NRXN1: variants seen among roughly 807,000 people sequenced by gnomAD.
NRXN1 encodes the protein neurexin 1, also known as neurexin-1.
Under a neutral mutation model 150.9 loss-of-function variants are expected in NRXN1, and 39 were observed. The ratio of observed to expected loss-of-function variants is 0.26; its 90% CI spans 0.20 to 0.34. The LOEUF (loss-of-function observed/expected upper bound fraction) is 0.34, where lower values mean the gene tolerates loss of function less well. Among genes scored for constraint, NRXN1 ranks in the 10% least tolerant of loss-of-function variants. NRXN1 has a pLI of 1.00. For missense variants in NRXN1, 1,815 were observed against 1,949.9 expected (o/e 0.93, Z 1.30); for synonymous variants, 924 against 757.0 (o/e 1.22, Z -3.62).
intron 18 of NRXN1, among the ~76,000 whole-genome samples, chr2:50,163,690 T>C (rs1419560348): frequency 6.6e-6 from 1 of 152,174 alleles, no homozygotes; most frequent in Non-Finnish European, 1.5e-5. Context: ...AATTGGTCCT[T>C]ATTCTGAATG....
chr2:50,142,206 G>C (rs1707370929), intron 18 of NRXN1, among the ~76,000 whole-genome samples: 1 of 151,972 alleles, frequency 6.6e-6, no homozygotes, highest in Admixed American at 6.6e-5. Flanking sequence ...GCTAGGCACA[G>C]ATAGACAAAT....
chr2:49,982,754 T>G (rs182617060), intron 21 of NRXN1, among the ~76,000 whole-genome samples: 3 of 152,172 alleles, frequency 2.0e-5, no homozygotes, highest in African/African-American at 7.2e-5. Context: ...TTTTAGATAA[T>G]GGACGCATTT....
chr2:50,275,343 T>C lies in NRXN1; in HGVS notation c.3365-38373A>G, dbSNP rs141932405. Among the ~76,000 whole-genome samples, 42 of 152,328 alleles carry C rather than the reference T, an allele frequency of 2.8e-4. 1 individual carries two copies. Among genetic ancestry groups the C allele is most frequent in the African/African-American group, 9.9e-4 (41 of 41,592 alleles). Reference sequence around the variant, plus strand: ...ATGAAAATCAATATAGATTTGCAGATTGTAACTTCAACAAAGATTTGATTT... The same window carrying C: ...ATGAAAATCAATATAGATTTGCAGACTGTAACTTCAACAAAGATTTGATTT... On this transcript the variant is annotated intron_variant, in intron 17 of 22. Coordinates refer to ENST00000401669, the MANE Select transcript of NRXN1 (RefSeq NM_001330078.2).
chr2:50,296,075 C>T (rs937647080), intron 17 of NRXN1, among the ~76,000 whole-genome samples: 9 of 152,300 alleles, frequency 5.9e-5, no homozygotes, highest in African/African-American at 2.2e-4. Flanking sequence ...GTGGGCACGG[C>T]ATTTCTAGGC....
intron 5 of NRXN1, among the ~76,000 whole-genome samples, chr2:50,801,900 A>G (rs1006513597): frequency 3.9e-5 from 6 of 152,262 alleles, no homozygotes; most frequent in South Asian, 2.1e-4. Flanking sequence ...CTTGGTTTCT[A>G]TGGGTTCTCT....
intron 17 of NRXN1, among the ~76,000 whole-genome samples, chr2:50,355,771 A>G (rs1661410483): frequency 1.3e-5 from 2 of 152,208 alleles, no homozygotes; most frequent in South Asian, 4.1e-4. Flanking sequence ...AGGATATGTA[A>G]CAGTGTATTC....
At chr2:51,003,850 G>C (rs902147912) in intron 2 of NRXN1, among the ~76,000 whole-genome samples, 2 of 151,934 alleles carry the variant, frequency 1.3e-5, no homozygotes, top group African/African-American at 4.8e-5. Context: ...TGAAGTTTCA[G>C]CTTGTGAATA....
intron 17 of NRXN1, among the ~76,000 whole-genome samples, chr2:50,257,892 A>T (rs1468045857): frequency 2.4e-5 from 3 of 124,290 alleles, no homozygotes; most frequent in Non-Finnish European, 5.4e-5. Flanking sequence ...GTATCTGCAC[A>T]ATTTTTTTTT....
intron 5 of NRXN1, among the ~76,000 whole-genome samples, chr2:50,791,114 G>A: frequency 1.4e-5 from 2 of 146,014 alleles, no homozygotes; most frequent in African/African-American, 5.1e-5. Flanking sequence ...ATAAGTAAAT[G>A]CAATCAAAAT....
intron 2 of NRXN1, among the ~76,000 whole-genome samples, chr2:50,944,798 CA>C (rs2104523764): frequency 6.6e-6 from 1 of 152,274 alleles, no homozygotes; most frequent in South Asian, 2.1e-4. Context: ...AAGCCTCTAG[CA>C]GCAATAATTA....
intron 2 of NRXN1, among the ~76,000 whole-genome samples, chr2:51,010,117 C>T (rs1000115916): frequency 2.0e-5 from 3 of 151,946 alleles, no homozygotes; most frequent in African/African-American, 7.2e-5. Flanking sequence ...TATAATGGGT[C>T]TCATCTTCTG....
chr2:50,926,071 G>C lies in NRXN1; in HGVS notation c.773-116C>G, dbSNP rs1186140173. The stretch of plus-strand genomic sequence containing the variant: ...GCAAGGCACCAAACACATCATGCAA[G>C]TGCTCCATCACTATCATTCAAGGGG... On this transcript the variant is annotated intron_variant, in intron 2 of 22. Transcript: ENST00000401669. 1.3e-5 allele frequency: 10 copies of C among 775,162 alleles called. No homozygotes were observed. In the South Asian group the frequency reaches 1.5e-4, roughly 11 times the overall value. 48.0% of individuals were successfully genotyped at this position (775,162 alleles called of 1,614,324 possible). A position where few individuals can be genotyped will look rare whatever the true frequency, so the allele number is the denominator to read the frequency against.
chr2:50,566,694 C>A (rs1669931468), intron 8 of NRXN1, among the ~76,000 whole-genome samples: 1 of 152,134 alleles, frequency 6.6e-6, no homozygotes, highest in Non-Finnish European at 1.5e-5. Context: ...TACTAAAGCT[C>A]AGAGAATTTA....
chr2:51,018,128 C>A (rs1339089360), intron 2 of NRXN1, among the ~76,000 whole-genome samples: 1 of 152,094 alleles, frequency 6.6e-6, no homozygotes, highest in African/African-American at 2.4e-5. Context: ...ACCTCCTAAG[C>A]TCTCATCAGT....
intron 5 of NRXN1, among the ~76,000 whole-genome samples, chr2:50,668,170 T>C (rs1020705111): frequency 6.6e-6 from 1 of 152,010 alleles, no homozygotes; most frequent in African/African-American, 2.4e-5. Context: ...AGGGTCACAC[T>C]TGATTATCCA....
At chr2:50,794,030 G>T (rs1289573898) in intron 5 of NRXN1, among the ~76,000 whole-genome samples, 1 of 151,900 alleles carries the variant, frequency 6.6e-6, no homozygotes, top group Non-Finnish European at 1.5e-5. Context: ...GTAGAAGCAG[G>T]GAAGCCGTTA....
chr2:50,219,950 TATAA>T (rs2063710267), intron 18 of NRXN1, among the ~76,000 whole-genome samples: 5 of 70,336 alleles, frequency 7.1e-5, no homozygotes, highest in African/African-American at 5.1e-4. Flanking sequence ...ATATTATATA[TATAA>T]TATATATATT....
chr2:50,895,574 TTTG>T (rs1344973164), intron 5 of NRXN1, among the ~76,000 whole-genome samples: 4 of 150,932 alleles, frequency 2.7e-5, no homozygotes, highest in Non-Finnish European at 5.9e-5. Context: ...GGTTGTTTTT[TTTG>T]TTTGTTTGTC....
intron 21 of NRXN1, chr2:49,974,308 C>T: frequency 2.0e-6 from 1 of 506,710 alleles, no homozygotes; most frequent in South Asian, 1.9e-5. Context: ...GGTACACAGC[C>T]CAGCCCGGCA....
Sources: allele counts gnomAD v4.1 joint callset (sites outside exome capture counted in the v4.1 genomes callset), GRCh38; gene constraint gnomAD v4.1.1; transcripts MANE v1.5; gene names NCBI Gene and HGNC (gene_info 2026-07-23, HGNC 2026-07-21).